CYRIA: variants seen among roughly 807,000 people sequenced by gnomAD.
CYRIA encodes CYFIP-related Rac1 interactor A.
In CYRIA, 15 loss-of-function variants were observed where a neutral mutation model predicts 43.9. That is an observed-to-expected ratio of 0.34 (90% CI 0.23 to 0.53). The LOEUF (loss-of-function observed/expected upper bound fraction) is 0.53, where lower values mean the gene tolerates loss of function less well. Among genes scored for constraint, CYRIA ranks in the 20% least tolerant of loss-of-function variants. The pLI is 0.94. For missense variants in CYRIA, 236 were observed against 394.2 expected (o/e 0.60, Z 3.40); for synonymous variants, 117 against 136.0 (o/e 0.86, Z 0.97).
chr2:16,568,342 C>A (rs1667022176), intron 3 of CYRIA, among the ~76,000 whole-genome samples: 1 of 151,690 alleles, frequency 6.6e-6, no homozygotes, highest in South Asian at 2.1e-4. Flanking sequence ...CAGTGTTTCC[C>A]AAAAACATTT....
chr2:16,635,419 A>C (rs995359744), intron 1 of CYRIA, among the ~76,000 whole-genome samples: 13 of 152,238 alleles, frequency 8.5e-5, no homozygotes, highest in African/African-American at 3.1e-4. Context: ...CGGATGCTAC[A>C]GGTTTACAAT....
At chr2:16,561,371 T>C in intron 7 of CYRIA, 85 bp downstream of exon 7, 18 of 1,488,388 alleles carry the variant, frequency 1.2e-5, no homozygotes, top group Non-Finnish European at 1.6e-5. Flanking sequence ...ACAAGGACAT[T>C]GTCTTCTGTC....
intron 1 of CYRIA, among the ~76,000 whole-genome samples, chr2:16,664,319 C>A (rs1014124284): frequency 6.6e-6 from 1 of 152,060 alleles, no homozygotes; most frequent in Non-Finnish European, 1.5e-5. Context: ...CTGGGCCCAG[C>A]GCCCATGTTT....
At chr2:16,580,033 C>T (rs1238911885) in intron 3 of CYRIA, among the ~76,000 whole-genome samples, 1 of 151,968 alleles carries the variant, frequency 6.6e-6, no homozygotes, top group East Asian at 1.9e-4. Flanking sequence ...CTGCAGCCTC[C>T]ACCTCCTGGC....
chr2:16,571,234 G>T (rs1667117548), intron 3 of CYRIA, among the ~76,000 whole-genome samples: 1 of 152,188 alleles, frequency 6.6e-6, no homozygotes. Flanking sequence ...AGTTTTGTTT[G>T]CAGGGGCTCA....
chr2:16,634,271 G>T (rs1199951846), intron 1 of CYRIA, among the ~76,000 whole-genome samples: 4 of 152,126 alleles, frequency 2.6e-5, no homozygotes, highest in Non-Finnish European at 5.9e-5. Flanking sequence ...GCTCCCAGTG[G>T]TCACAGCTGC....
intron 1 of CYRIA, among the ~76,000 whole-genome samples, chr2:16,626,855 C>T (rs1305887333): frequency 6.6e-6 from 1 of 152,228 alleles, no homozygotes; most frequent in South Asian, 2.1e-4. Context: ...GGGCTTCACA[C>T]CACACAACAC....
At position 16,558,806 on chromosome 2, in the gene CYRIA, CT is replaced by C. The variant is rs372841970; in HGVS notation, c.837+653del. ...GTCCCTGTCCTTGTCAAGAAATTGT[CT>C]GTGAGGGAGTCAGAAAATACAGAAC... is the stretch of plus-strand genomic sequence containing the variant. On this transcript the variant is annotated intron_variant, in intron 10 of 11. Coordinates refer to ENST00000381323, the MANE Select transcript of CYRIA (RefSeq NM_030797.4). Among the ~76,000 whole-genome samples the C allele has an allele frequency of 4.9e-3, 737 of 151,664 alleles. 8 individuals carry two copies. The highest frequency in any genetic ancestry group is 0.016 in the African/African-American group (661 of 41,108).
intron 10 of CYRIA, among the ~76,000 whole-genome samples, chr2:16,557,686 A>G (rs192824199): frequency 6.6e-6 from 1 of 152,298 alleles, no homozygotes; most frequent in Admixed American, 6.5e-5. Context: ...CATCAAGACT[A>G]TGCGTGAAGA....
intron 1 of CYRIA, among the ~76,000 whole-genome samples, chr2:16,642,416 A>G (rs1669702355): frequency 6.6e-6 from 1 of 152,180 alleles, no homozygotes; most frequent in African/African-American, 2.4e-5. Flanking sequence ...TCTTTCAGAA[A>G]ATTCTTTTGC....
chr2:16,574,226 C>T (rs1323223482), intron 3 of CYRIA, among the ~76,000 whole-genome samples: 1 of 152,058 alleles, frequency 6.6e-6, no homozygotes, highest in African/African-American at 2.4e-5. Flanking sequence ...GAATTTTGAA[C>T]TTGAGAGAGA....
chr2:16,602,395 A>G (rs539676613), intron 2 of CYRIA, among the ~76,000 whole-genome samples: 1 of 152,266 alleles, frequency 6.6e-6, no homozygotes, highest in South Asian at 2.1e-4. Flanking sequence ...CATTTAAACT[A>G]CAGACTGACC....
chr2:16,589,084 A>C (rs1572485126), intron 2 of CYRIA, among the ~76,000 whole-genome samples: 1 of 152,196 alleles, frequency 6.6e-6, no homozygotes, highest in Middle Eastern at 3.4e-3. Flanking sequence ...CATTCAACAC[A>C]TATTTACGGA....
intron 2 of CYRIA, among the ~76,000 whole-genome samples, chr2:16,608,429 G>A (rs1253707042): frequency 1.3e-5 from 2 of 152,142 alleles, no homozygotes; most frequent in African/African-American, 4.8e-5. Context: ...CCAGAAACGA[G>A]GGAATCCCTC....
chr2:16,568,243 A>AC (rs1423752203), intron 3 of CYRIA, among the ~76,000 whole-genome samples: 3 of 151,526 alleles, frequency 2.0e-5, no homozygotes, highest in African/African-American at 7.3e-5. Context: ...AAAAAAAAAA[A>AC]AAAAAACCCA....
intron 2 of CYRIA, among the ~76,000 whole-genome samples, chr2:16,591,079 G>A (rs1314233405): frequency 6.6e-6 from 1 of 151,960 alleles, no homozygotes; most frequent in African/African-American, 2.4e-5. Flanking sequence ...GCTCATCAGT[G>A]AATACAAAAT....
At chr2:16,565,315 C>G (rs922038768) in intron 4 of CYRIA, among the ~76,000 whole-genome samples, 3 of 151,912 alleles carry the variant, frequency 2.0e-5, no homozygotes, top group African/African-American at 7.3e-5. Context: ...CCCAAAGTAG[C>G]AGGGATTAAA....
chr2:16,636,149 C>T lies in CYRIA; in HGVS notation c.-166-12130G>A, dbSNP rs574833691. Reference sequence around the variant, plus strand: ...TGTAACCACAGCCGTTGCTGGAAGTCCCTTGCAAGACTCCGGATTCTGAGT... The same window carrying T: ...TGTAACCACAGCCGTTGCTGGAAGTTCCTTGCAAGACTCCGGATTCTGAGT... On this transcript the variant is annotated intron_variant, in intron 1 of 11. Coordinates refer to ENST00000381323, the MANE Select transcript of CYRIA (RefSeq NM_030797.4). 1.2e-3 allele frequency among the ~76,000 whole-genome samples: 186 copies of T among 152,152 alleles called. 2 individuals are homozygous for T. Among genetic ancestry groups the T allele is most frequent in the Non-Finnish European group, 2.2e-4 (15 of 68,024 alleles).
At chr2:16,560,648 T>C in intron 9 of CYRIA, 1 of 281,934 alleles carries the variant, frequency 3.5e-6, no homozygotes, top group Non-Finnish European at 6.8e-6. Flanking sequence ...GTTTTATATC[T>C]TCTCTACAAT....
Sources: allele counts gnomAD v4.1 joint callset (sites outside exome capture counted in the v4.1 genomes callset), GRCh38; gene constraint gnomAD v4.1.1; transcripts MANE v1.5; gene names NCBI Gene and HGNC (gene_info 2026-07-23, HGNC 2026-07-21).